Variants in SCNN1B observed in about 807,000 individuals in gnomAD.
SCNN1B encodes sodium channel epithelial 1 subunit beta.
Under a neutral mutation model 65.3 loss-of-function variants are expected in SCNN1B, and 46 were observed. The ratio of observed to expected loss-of-function variants is 0.70; its 90% CI spans 0.56 to 0.90. The LOEUF is 0.90. SCNN1B is among the 40% of genes least tolerant of loss of function. The pLI is 0.00. For synonymous variants in SCNN1B, 349 were observed against 330.6 expected (o/e 1.06, Z -0.60); for missense variants, 751 against 830.5 (o/e 0.90, Z 1.18).
intron 2 of SCNN1B, among the ~76,000 whole-genome samples, chr16:23,286,852 G>A (rs757405371): frequency 3.9e-5 from 6 of 152,192 alleles, no homozygotes; most frequent in Non-Finnish European, 5.9e-5. Context: ...AGCACTTTGG[G>A]AGGCTGAGGC....
chr16:23,305,844 A>G (rs1961205833), intron 1 of SCNN1B, among the ~76,000 whole-genome samples: 2 of 151,980 alleles, frequency 1.3e-5, no homozygotes, highest in Admixed American at 1.3e-4. Context: ...AGGGCATGAC[A>G]GTCCCTACCT....
intron 1 of SCNN1B, among the ~76,000 whole-genome samples, chr16:23,307,252 A>C (rs1961238582): frequency 6.6e-6 from 1 of 151,224 alleles, no homozygotes; most frequent in South Asian, 2.1e-4. Flanking sequence ...TCTAGCACAC[A>C]GCAACTGCTG....
intron 4 of SCNN1B, among the ~76,000 whole-genome samples, chr16:23,365,600 A>C (rs1225928456): frequency 1.7e-5 from 1 of 59,080 alleles, no homozygotes; most frequent in Admixed American, 1.4e-4. Context: ...AAAGAAAGAA[A>C]GAAAGAAAGA....
intron 4 of SCNN1B, among the ~76,000 whole-genome samples, chr16:23,363,987 T>C (rs1962601319): frequency 6.6e-6 from 1 of 151,688 alleles, no homozygotes; most frequent in Admixed American, 6.6e-5. Flanking sequence ...ACTAACATGG[T>C]GAAACCCTGT....
At chr16:23,352,693 C>G in intron 2 of SCNN1B, 108 bp from the exon 3 acceptor site, 1 of 1,201,682 alleles carries the variant, frequency 8.3e-7, no homozygotes, top group Middle Eastern at 2.1e-4. Flanking sequence ...CAGGTAGTAT[C>G]TTTATAGCAG....
chr16:23,309,575 T>C (rs531946354), intron 1 of SCNN1B, among the ~76,000 whole-genome samples: 48 of 152,294 alleles, frequency 3.2e-4, no homozygotes, highest in African/African-American at 1.1e-3. Context: ...AGTCCGATGT[T>C]TGAAAGCGGG....
chr16:23,350,870 G>T (rs536749627), intron 2 of SCNN1B, among the ~76,000 whole-genome samples: 1 of 151,716 alleles, frequency 6.6e-6, no homozygotes, highest in Non-Finnish European at 1.5e-5. Context: ...CCGAGATCTC[G>T]CCACTGCACT....
intron 1 of SCNN1B, among the ~76,000 whole-genome samples, chr16:23,305,671 C>T (rs961558802): frequency 2.7e-5 from 4 of 145,966 alleles, no homozygotes; most frequent in African/African-American, 1.0e-4. Context: ...CCCCTGAGCC[C>T]AGGAGGTTGA....
chr16:23,337,615 T>TGA (rs1435697501), intron 1 of SCNN1B, among the ~76,000 whole-genome samples: 3 of 151,952 alleles, frequency 2.0e-5, no homozygotes, highest in African/African-American at 7.2e-5. Context: ...TGACCTCAGG[T>TGA]GATCCACTCA....
intron 1 of SCNN1B, among the ~76,000 whole-genome samples, chr16:23,281,864 C>T (rs898219527): frequency 7.9e-5 from 12 of 152,126 alleles, no homozygotes; most frequent in Admixed American, 7.9e-4. Flanking sequence ...CCTCTCTGTG[C>T]TTGTTTATAT....
At chr16:23,319,563 G>A (rs74012880) in intron 1 of SCNN1B, among the ~76,000 whole-genome samples, 5,405 of 152,112 alleles carry the variant, frequency 0.036, 309 homozygotes, top group African/African-American at 0.12. Context: ...TTGAAACATA[G>A]CCCGCCCAGT....
chr16:23,333,496 TAC>T (rs893868517), intron 1 of SCNN1B, among the ~76,000 whole-genome samples: 41 of 152,342 alleles, frequency 2.7e-4, no homozygotes, highest in African/African-American at 9.4e-4. Flanking sequence ...TGAATAATTC[TAC>T]ACCTTCCATA....
rs769266008 is a variant in SCNN1B, at chr16:23,380,351, G to A, written c.1543-70G>A. On this transcript the variant is annotated intron_variant, in intron 12 of 12. Transcript: ENST00000343070. This position sits in a 1 kb window ranked among gnomAD's most constrained non-coding sequence, Gnocchi z 5.4. The stretch of plus-strand genomic sequence containing the variant: ...TTCCCACCCAAGAATCACCTCCCAG[G>A]AAGCTGTGAGGCTGGGCTAGAGGCA... 6.2e-7 allele frequency: 1 copy of A among 1,608,746 alleles called. No individual in the cohort carries two copies. Among genetic ancestry groups the A allele is most frequent in the Non-Finnish European group, 8.5e-7 (1 of 1,176,284 alleles).
intron 1 of SCNN1B, among the ~76,000 whole-genome samples, chr16:23,343,585 AAGAAAG>A (rs1234496272): frequency 3.0e-4 from 9 of 29,530 alleles, no homozygotes; most frequent in African/African-American, 1.0e-3. Context: ...GAAAAAGAGA[AAGAAAG>A]AAAGAAAGAA....
At chr16:23,290,419 C>T (rs952211162) in intron 2 of SCNN1B, among the ~76,000 whole-genome samples, 4 of 152,046 alleles carry the variant, frequency 2.6e-5, no homozygotes, top group African/African-American at 9.7e-5. Flanking sequence ...GTGATTCTCC[C>T]ACCTCAGCCT....
chr16:23,335,749 TA>T (rs1435847966), intron 1 of SCNN1B, among the ~76,000 whole-genome samples: 6 of 144,074 alleles, frequency 4.2e-5, no homozygotes, highest in Non-Finnish European at 8.9e-5. Flanking sequence ...GCCCGGCCTC[TA>T]TTTTTTTTTT....
chr16:23,283,970 A>C (rs1184636642), intron 2 of SCNN1B, among the ~76,000 whole-genome samples: 2 of 152,164 alleles, frequency 1.3e-5, no homozygotes, highest in African/African-American at 4.8e-5. Flanking sequence ...TGTTCTCTGA[A>C]TTTGGGGAAC....
chr16:23,375,701 C>A, intron 7 of SCNN1B, 37 bp from the exon 8 acceptor site: 2 of 1,416,656 alleles, frequency 1.4e-6, no homozygotes, highest in East Asian at 2.3e-5. Context: ...CTGACCATGC[C>A]TGTGTTCTCT....
At chr16:23,300,048 G>A (rs934376722), upstream of SCNN1B, among the ~76,000 whole-genome samples, 4 of 152,162 alleles carry the variant, frequency 2.6e-5, no homozygotes, top group African/African-American at 9.7e-5. Context: ...GCAGGGACAT[G>A]GATGAAGCTG....
Sources: gnomAD v4.1 joint callset for allele counts (sites outside exome capture counted in the v4.1 genomes callset) on GRCh38, gnomAD v4.1.1 for gene constraint, Gnocchi (gnomAD v3.1) non-coding constraint, MANE v1.5 for transcripts, NCBI Gene and HGNC (gene_info 2026-07-23, HGNC 2026-07-21) for gene names.